ATF1: variants seen among roughly 807,000 people sequenced by gnomAD.
ATF1 encodes the protein cyclic AMP-dependent transcription factor ATF-1.
Under a neutral mutation model 34.7 loss-of-function variants are expected in ATF1, and 16 were observed. That is an observed-to-expected ratio of 0.46 (90% CI 0.31 to 0.70). The LOEUF is 0.70. Ranked by LOEUF, ATF1 falls within the 30% of genes least tolerant of loss-of-function variation. The pLI is 0.05. For synonymous variants in ATF1, 105 were observed against 113.1 expected (o/e 0.93, Z 0.46); for missense variants, 255 against 321.6 (o/e 0.79, Z 1.58).
intron 1 of ATF1, among the ~76,000 whole-genome samples, chr12:50,778,687 A>G (rs1457796333): frequency 1.3e-5 from 2 of 151,944 alleles, no homozygotes; most frequent in Admixed American, 1.3e-4. Flanking sequence ...TCCCGGGTTC[A>G]AGCAATTCTC....
intron 2 of ATF1, among the ~76,000 whole-genome samples, chr12:50,780,627 G>C (rs947096006): frequency 4.7e-5 from 7 of 149,206 alleles, no homozygotes; most frequent in African/African-American, 1.7e-4. Flanking sequence ...TTACAGGTGT[G>C]AGCCACCAGA....
chr12:50,771,614 G>T (rs1229925861), intron 1 of ATF1, among the ~76,000 whole-genome samples: 2 of 152,078 alleles, frequency 1.3e-5, no homozygotes, highest in Non-Finnish European at 2.9e-5. Context: ...AATGTCAGAG[G>T]CGTATGAACC....
chr12:50,814,560 G>C, intron 6 of ATF1, 121 bp downstream of exon 6: 11 of 1,104,758 alleles, frequency 1.0e-5, no homozygotes, highest in Non-Finnish European at 1.4e-5. Context: ...AGTAAACAAT[G>C]GACCACATAA....
At chr12:50,818,999 A>ATTGT (rs1941896700) in intron 6 of ATF1, among the ~76,000 whole-genome samples, 1 of 152,250 alleles carries the variant, frequency 6.6e-6, no homozygotes, top group Admixed American at 6.5e-5. Flanking sequence ...TTGCTCAAGC[A>ATTGT]TTGTTTGTAA....
intron 1 of ATF1, among the ~76,000 whole-genome samples, chr12:50,764,823 A>T (rs1027760263): frequency 1.3e-5 from 2 of 152,248 alleles, no homozygotes; most frequent in Non-Finnish European, 2.9e-5. Context: ...CTAGCGGGCA[A>T]CCGACGCACG....
intron 1 of ATF1, among the ~76,000 whole-genome samples, chr12:50,778,424 C>G (rs1309468992): frequency 2.0e-5 from 3 of 151,490 alleles, no homozygotes; most frequent in Non-Finnish European, 2.9e-5. Flanking sequence ...ATGGTTTCAC[C>G]ATGTTGGCCA....
chr12:50,781,862 C>T (rs1352297893), intron 2 of ATF1, among the ~76,000 whole-genome samples: 1 of 148,054 alleles, frequency 6.8e-6, no homozygotes, highest in African/African-American at 2.5e-5. Flanking sequence ...CAGCAGTGAG[C>T]TATAATCATG....
intron 2 of ATF1, among the ~76,000 whole-genome samples, chr12:50,794,976 T>G (rs1372515946): frequency 6.6e-6 from 1 of 152,250 alleles, no homozygotes; most frequent in Non-Finnish European, 1.5e-5. Context: ...GTTTTCTCAA[T>G]TGTAAAATAT....
At chr12:50,764,862 G>A (rs1940591274) in intron 1 of ATF1, among the ~76,000 whole-genome samples, 1 of 152,248 alleles carries the variant, frequency 6.6e-6, no homozygotes, top group Non-Finnish European at 1.5e-5. Context: ...GACAGTCCTG[G>A]AGAGATGCGC....
chr12:50,788,860 C>G (rs186398368), intron 2 of ATF1, among the ~76,000 whole-genome samples: 43 of 152,192 alleles, frequency 2.8e-4, no homozygotes, highest in Non-Finnish European at 5.9e-4. Flanking sequence ...AGTATAACTA[C>G]ATTTTTTGCA....
At position 50,814,138 on chromosome 12, in the gene ATF1, C is replaced by G; in HGVS notation, c.457C>G (p.Gln153Glu). ...AGGTACAACTATTCTTCAGTATGCA[C>G]AGACCTCTGATGGACAGCAGATACT... ...QQGTTILQYAQTSDGQQILVP... is the reference protein window; with the variant it reads ...QQGTTILQYAETSDGQQILVP... The change falls in exon 5 of 7, where the codon CAG becomes GAG. Residue 153 changes from glutamine (Q) to glutamate (E), a missense_variant. Gln to Glu is a conservative substitution (Grantham distance 29). Around this residue, in one of 2 missense-constraint regions of ATF1, gnomAD observed 221 missense variants for 250.7 expected, o/e 0.88. Transcript: ENST00000262053. The G allele has an allele frequency of 1.2e-6, 2 of 1,614,228 alleles. No homozygotes were observed. Among genetic ancestry groups the G allele is most frequent in the Non-Finnish European group, 1.7e-6 (2 of 1,180,044 alleles).
chr12:50,819,530 C>CTT (rs1197949212), intron 6 of ATF1, 105 bp from the exon 7 acceptor site: 1 of 1,315,568 alleles, frequency 7.6e-7, no homozygotes, highest in Non-Finnish European at 1.1e-6. Flanking sequence ...GTAGATGATA[C>CTT]TTTAAAGAGA....
At chr12:50,790,265 C>T (rs74719723) in intron 2 of ATF1, among the ~76,000 whole-genome samples, 1,764 of 141,806 alleles carry the variant, frequency 0.012, 30 homozygotes, top group African/African-American at 0.043. Context: ...AGTGCAGTGG[C>T]GCAATCACAG....
chr12:50,794,670 T>C (rs1225661693), intron 2 of ATF1, among the ~76,000 whole-genome samples: 1 of 150,804 alleles, frequency 6.6e-6, no homozygotes, highest in Non-Finnish European at 1.5e-5. Flanking sequence ...TGGTGACCCA[T>C]ACCTGTAATC....
At position 50,780,210 on chromosome 12, in the gene ATF1, G is replaced by A. The variant is rs763994606; in HGVS notation, c.65G>A (p.Gly22Glu). 1.9e-6 allele frequency: 3 copies of A among 1,613,752 alleles called. No individual in the cohort carries two copies. The highest frequency in any genetic ancestry group is 2.2e-5 in the South Asian group (2 of 91,060). The change falls in exon 2 of 7, where the codon GGA (glycine) becomes GAA (glutamate). Residue 22 changes from glycine to glutamate, a missense_variant. Physicochemically the swap from Gly to Glu is moderately conservative, Grantham distance 98. Around this residue, in one of 2 missense-constraint regions of ATF1, gnomAD observed 221 missense variants for 250.7 expected, o/e 0.88. Coordinates refer to ENST00000262053, the MANE Select transcript of ATF1 (RefSeq NM_005171.5). ...CCTCAACCTGGTTCAGCAGTTCAGG[G>A]AGCTCACATTTCTCATATTGCTCAA... ...TAPQPGSAVQ[G>E]AHISHIAQQV...
chr12:50,767,393 G>A (rs918248589), intron 1 of ATF1, among the ~76,000 whole-genome samples: 2 of 152,100 alleles, frequency 1.3e-5, no homozygotes, highest in Admixed American at 6.5e-5. Context: ...GGTGGCGTGC[G>A]CCTGTAGTCC....
intron 4 of ATF1, among the ~76,000 whole-genome samples, chr12:50,811,916 A>T (rs1051534528): frequency 6.6e-6 from 1 of 152,240 alleles, no homozygotes; most frequent in Non-Finnish European, 1.5e-5. Flanking sequence ...ACAAACTAGT[A>T]TTTAGGGCAA....
At position 50,774,757 on chromosome 12, in the gene ATF1, T is replaced by TG. The variant is rs1430976304; in HGVS notation, c.-6-5383_-6-5382insG. ...AGTTTTTTGTTTTTGTTTTTGTTTT[T>TG]TTTTTTTTGAGACGGAGTCTCACTC... On this transcript the variant is annotated intron_variant, in intron 1 of 6. Transcript: ENST00000262053. Among the ~76,000 whole-genome samples the TG allele has an allele frequency of 6.6e-5, 10 of 151,518 alleles. No homozygotes were observed. The East Asian group carries it at 9.7e-4, about 15-fold the overall frequency.
chr12:50,819,884 C>A lies in ATF1; in HGVS notation c.*105C>A. The A allele has an allele frequency of 2.0e-6, 2 of 1,001,446 alleles. No homozygotes were observed. The highest frequency in any genetic ancestry group is 2.9e-6 in the Non-Finnish European group (2 of 696,452). The allele number at this position is 1,001,446 out of a possible 1,614,324, so 62.0% of individuals were successfully genotyped here. A position where few individuals can be genotyped will look rare whatever the true frequency, so the allele number is the denominator to read the frequency against. ...TCAAAACTGAAGCTTTTTATTTAGG[C>A]TTTTCCAAATCAAGGATAAATATCT... is the stretch of plus-strand genomic sequence containing the variant. On this transcript the variant is annotated 3_prime_UTR_variant, in exon 7 of 7. Transcript: ENST00000262053.
Sources: allele counts gnomAD v4.1 joint callset (sites outside exome capture counted in the v4.1 genomes callset), GRCh38; gene constraint gnomAD v4.1.1; regional missense constraint gnomAD v4.1.1; transcripts MANE v1.5; gene names NCBI Gene and HGNC (gene_info 2026-07-23, HGNC 2026-07-21).